PRKCA: variants seen among roughly 807,000 people sequenced by gnomAD.
PRKCA encodes protein kinase C alpha.
A neutral mutation model predicts 87.0 loss-of-function variants in PRKCA; 27 were observed. That is an observed-to-expected ratio of 0.31 (90% CI 0.23 to 0.43). The LOEUF (loss-of-function observed/expected upper bound fraction) is 0.43. Ranked by LOEUF, PRKCA falls within the 20% of genes least tolerant of loss-of-function variation. PRKCA has a pLI of 1.00. For missense variants in PRKCA, 518 were observed against 852.3 expected, an observed-to-expected ratio of 0.61 and a Z score of 4.88; for synonymous variants, 329 against 311.1, an observed-to-expected ratio of 1.06 and a Z score of -0.61.
chr17:66,458,037 G>A (rs1013596486), intron 2 of PRKCA, among the ~76,000 whole-genome samples: 1 of 152,142 alleles, frequency 6.6e-6, no homozygotes, highest in Non-Finnish European at 1.5e-5. Flanking sequence ...TTGGTTTGGA[G>A]CAAGCAACCT....
In PRKCA at chr17:66,521,483, A is replaced by G. The variant is rs139763839; in HGVS notation, c.288+25200A>G. 4.7e-3 allele frequency among the ~76,000 whole-genome samples: 720 copies of G among 152,298 alleles called. 6 individuals carry two copies. The highest frequency in any genetic ancestry group is 0.016 in the African/African-American group (677 of 41,568). ...CGCTTAACTTTTTCTAATAAGTACT[A>G]TCTCCCAAGATTCCAGAAGATGGTA... On this transcript the variant is annotated intron_variant, in intron 3 of 16. Coordinates refer to ENST00000413366, the MANE Select transcript of PRKCA (RefSeq NM_002737.3).
intron 8 of PRKCA, among the ~76,000 whole-genome samples, chr17:66,708,892 G>A (rs1973251807): frequency 6.6e-6 from 1 of 152,156 alleles, no homozygotes; most frequent in Admixed American, 6.5e-5. Flanking sequence ...CTAAAATAGA[G>A]TTTTTGGGGT....
intron 13 of PRKCA, among the ~76,000 whole-genome samples, chr17:66,746,687 A>G (rs956241111): frequency 6.6e-6 from 1 of 152,194 alleles, no homozygotes; most frequent in Non-Finnish European, 1.5e-5. Flanking sequence ...TGTCACTAAC[A>G]GATGAGAGTT....
intron 14 of PRKCA, among the ~76,000 whole-genome samples, chr17:66,779,490 C>A (rs1487328792): frequency 6.6e-6 from 1 of 152,116 alleles, no homozygotes; most frequent in Non-Finnish European, 1.5e-5. Flanking sequence ...TTTGATTTCA[C>A]TCCTACTGAA....
intron 3 of PRKCA, among the ~76,000 whole-genome samples, chr17:66,511,000 G>A (rs1917203012): frequency 6.6e-6 from 1 of 152,030 alleles, no homozygotes; most frequent in African/African-American, 2.4e-5. Flanking sequence ...GCCCACCCCT[G>A]CTCCCCAAAT....
chr17:66,723,466 A>G (rs891295118), intron 8 of PRKCA, among the ~76,000 whole-genome samples: 2 of 152,066 alleles, frequency 1.3e-5, no homozygotes, highest in African/African-American at 4.8e-5. Context: ...CATCTCTACT[A>G]AAAATACAAA....
chr17:66,751,676 G>T (rs1355375529), intron 13 of PRKCA, among the ~76,000 whole-genome samples: 1 of 152,146 alleles, frequency 6.6e-6, no homozygotes, highest in African/African-American at 2.4e-5. Context: ...CCTATAGGTG[G>T]GTGCTGAGCT....
At chr17:66,510,416 G>A (rs1045303773) in intron 3 of PRKCA, among the ~76,000 whole-genome samples, 2 of 152,142 alleles carry the variant, frequency 1.3e-5, no homozygotes, top group Admixed American at 6.5e-5. Flanking sequence ...TTGGTTAAAT[G>A]TTGGTAGGAA....
intron 14 of PRKCA, chr17:66,777,899 C>G: frequency 1.0e-6 from 1 of 985,388 alleles, no homozygotes. Context: ...GGCTTCTCCC[C>G]TCTCCAAGCC....
intron 3 of PRKCA, among the ~76,000 whole-genome samples, chr17:66,607,319 G>A (rs1970237808): frequency 6.6e-6 from 1 of 152,084 alleles, no homozygotes; most frequent in Non-Finnish European, 1.5e-5. Flanking sequence ...AGTTCTGTGG[G>A]AAAAAATCGG....
chr17:66,424,828 C>T (rs1912704537), intron 2 of PRKCA, among the ~76,000 whole-genome samples: 1 of 150,874 alleles, frequency 6.6e-6, no homozygotes, highest in Admixed American at 6.6e-5. Flanking sequence ...GGGCTCATTG[C>T]AGCCTCAACC....
intron 3 of PRKCA, among the ~76,000 whole-genome samples, chr17:66,543,619 A>C (rs1598754444): frequency 6.6e-6 from 1 of 152,242 alleles, no homozygotes; most frequent in Non-Finnish European, 1.5e-5. Context: ...ATCTGTCAGC[A>C]TATGAGAGGA....
At chr17:66,568,724 C>A (rs527549653) in intron 3 of PRKCA, among the ~76,000 whole-genome samples, 1 of 152,158 alleles carries the variant, frequency 6.6e-6, no homozygotes, top group East Asian at 1.9e-4. Context: ...CCTCATGTTC[C>A]ATGTTCTACA....
intron 2 of PRKCA, among the ~76,000 whole-genome samples, chr17:66,480,942 C>G (rs1163620134): frequency 6.6e-6 from 1 of 152,046 alleles, no homozygotes; most frequent in African/African-American, 2.4e-5. Context: ...TTCCTTTGAC[C>G]TACTCCGTCT....
chr17:66,566,785 T>A (rs965762506), intron 3 of PRKCA, among the ~76,000 whole-genome samples: 3 of 152,188 alleles, frequency 2.0e-5, no homozygotes, highest in Non-Finnish European at 4.4e-5. Flanking sequence ...CTGGTCTCAG[T>A]GCAGGTGCCC....
rs139989694 is a variant in PRKCA at position 66,565,238 on chromosome 17, C to T, written c.288+68955C>T. On this transcript the variant is annotated intron_variant, in intron 3 of 16. Coordinates refer to ENST00000413366, the MANE Select transcript of PRKCA (RefSeq NM_002737.3). ...CTCAGGAAGTGATTCCCACTCAGCC[C>T]GCATCCCTTCCTGGAGCACTGCAGT... 1.2e-4 allele frequency among the ~76,000 whole-genome samples: 19 copies of T among 152,256 alleles called. No individual in the cohort carries two copies. The East Asian group carries it at 2.7e-3, about 22-fold the overall frequency.
chr17:66,777,944 G>A, intron 14 of PRKCA: 6 of 985,356 alleles, frequency 6.1e-6, no homozygotes, highest in Non-Finnish European at 7.2e-6. Context: ...GAGAACTCAG[G>A]GAATGCTTTC....
intron 3 of PRKCA, among the ~76,000 whole-genome samples, chr17:66,524,416 A>G (rs1377820481): frequency 6.6e-6 from 1 of 152,186 alleles, no homozygotes; most frequent in Middle Eastern, 3.2e-3. Flanking sequence ...TGGGAGACTG[A>G]TGTGGGAATG....
At position 66,553,508 on chromosome 17, in the gene PRKCA, T is replaced by C. The variant is rs180945084; in HGVS notation, c.288+57225T>C. On this transcript the variant is annotated intron_variant, in intron 3 of 16. Transcript: ENST00000413366. ...AGAGCTTAACTCTTATCCTCTTAAG[T>C]GTGGACTAGATTTCGCGACTTGCTT... 3.4e-4 allele frequency among the ~76,000 whole-genome samples: 52 copies of C among 152,318 alleles called. 1 individual carries two copies. The East Asian group carries it at 5.6e-3, about 16-fold the overall frequency.
Sources: allele counts gnomAD v4.1 joint callset (sites outside exome capture counted in the v4.1 genomes callset), GRCh38; gene constraint gnomAD v4.1.1; transcripts MANE v1.5; gene names NCBI Gene and HGNC (gene_info 2026-07-23, HGNC 2026-07-21).